SLIT3: variants seen among roughly 807,000 people sequenced by gnomAD.
SLIT3 encodes slit guidance ligand 3, also known as slit homolog 3 protein.
A neutral mutation model predicts 184.0 loss-of-function variants in SLIT3; 68 were observed. That is an observed-to-expected ratio of 0.37 (90% CI 0.30 to 0.45). The LOEUF is 0.45. SLIT3 is among the 20% of genes least tolerant of loss of function. SLIT3 has a pLI of 1.00. For synonymous variants in SLIT3, 831 were observed against 828.6 expected, an observed-to-expected ratio of 1.00 and a Z score of -0.05; for missense variants, 1,707 against 2,026.0, an observed-to-expected ratio of 0.84 and a Z score of 3.02.
intron 4 of SLIT3, among the ~76,000 whole-genome samples, chr5:169,179,389 T>C (rs1226574186): frequency 6.6e-6 from 1 of 152,070 alleles, no homozygotes; most frequent in Non-Finnish European, 1.5e-5. Flanking sequence ...ACAATCCCTT[T>C]CAATGTCTAT....
chr5:168,856,191 C>T (rs1168562452), intron 5 of SLIT3, among the ~76,000 whole-genome samples: 4 of 152,128 alleles, frequency 2.6e-5, no homozygotes, highest in Non-Finnish European at 1.5e-5. Context: ...CTGAATTGTA[C>T]TTTTAAACGG....
chr5:168,977,842 C>G (rs781699356), intron 4 of SLIT3, among the ~76,000 whole-genome samples: 11 of 152,040 alleles, frequency 7.2e-5, no homozygotes, highest in Non-Finnish European at 1.5e-4. Context: ...CTAAAGTGTC[C>G]CTGAGCCCTC....
chr5:169,046,132 C>A (rs150752665), intron 4 of SLIT3, among the ~76,000 whole-genome samples: 2 of 152,118 alleles, frequency 1.3e-5, no homozygotes, highest in African/African-American at 4.8e-5. Flanking sequence ...CCTTCCCTAC[C>A]CCCCAAAAGG....
At chr5:168,969,768 G>C (rs577048174) in intron 4 of SLIT3, among the ~76,000 whole-genome samples, 1 of 152,346 alleles carries the variant, frequency 6.6e-6, no homozygotes, top group Non-Finnish European at 1.5e-5. Context: ...AGCTCCTGGA[G>C]AGCGGGAAGG....
intron 26 of SLIT3, among the ~76,000 whole-genome samples, chr5:168,703,226 TTGTGTG>T (rs370363011): frequency 0.083 from 10,530 of 126,536 alleles, 490 homozygotes; most frequent in East Asian, 0.11. Flanking sequence ...TCATCCCACT[TTGTGTG>T]TGTGTGTGTG....
intron 4 of SLIT3, among the ~76,000 whole-genome samples, chr5:169,044,753 C>G (rs1264932061): frequency 6.6e-6 from 1 of 151,490 alleles, no homozygotes; most frequent in South Asian, 2.1e-4. Flanking sequence ...AACTATATCT[C>G]AAGAAAAAAA....
intron 11 of SLIT3, 73 bp downstream of exon 11, chr5:168,789,487 A>G: frequency 1.7e-6 from 2 of 1,167,614 alleles, no homozygotes; most frequent in Non-Finnish European, 2.5e-6. Flanking sequence ...CTCCTGAGAA[A>G]TATGGTTGCG....
chr5:168,668,461 G>A (rs1272091772), intron 35 of SLIT3, among the ~76,000 whole-genome samples: 1 of 152,196 alleles, frequency 6.6e-6, no homozygotes, highest in Non-Finnish European at 1.5e-5. Context: ...TGGAAAAGAG[G>A]AGAAAAGAAC....
chr5:168,745,322 C>T (rs1369582592), intron 20 of SLIT3, among the ~76,000 whole-genome samples: 3 of 152,150 alleles, frequency 2.0e-5, no homozygotes, highest in Admixed American at 6.5e-5. Context: ...GGTGAAGATG[C>T]TGTGAACGTT....
At chr5:169,079,458 G>C (rs1758877247) in intron 4 of SLIT3, among the ~76,000 whole-genome samples, 1 of 135,904 alleles carries the variant, frequency 7.4e-6, no homozygotes, top group African/African-American at 2.7e-5. Flanking sequence ...CCCAAACTTT[G>C]AGGTGGAAGA....
chr5:168,793,886 A>G (rs1756474198), intron 10 of SLIT3, among the ~76,000 whole-genome samples: 1 of 152,098 alleles, frequency 6.6e-6, no homozygotes. Context: ...TAAGGCCTAT[A>G]TTTATACAGC....
At chr5:168,701,437 G>A (rs1463211869) in intron 26 of SLIT3, among the ~76,000 whole-genome samples, 2 of 152,194 alleles carry the variant, frequency 1.3e-5, no homozygotes, top group Admixed American at 6.5e-5. Context: ...AGAACTCAGG[G>A]TGGTGTGGGA....
At chr5:168,902,438 T>C (rs1410970456) in intron 4 of SLIT3, among the ~76,000 whole-genome samples, 2 of 152,180 alleles carry the variant, frequency 1.3e-5, no homozygotes, top group Non-Finnish European at 2.9e-5. Context: ...GATGGGAATA[T>C]GCACAACAGG....
At chr5:168,890,957 G>C (rs1328542493) in intron 4 of SLIT3, among the ~76,000 whole-genome samples, 2 of 152,182 alleles carry the variant, frequency 1.3e-5, no homozygotes, top group African/African-American at 4.8e-5. Context: ...TCACATCCCG[G>C]TTCTGCTACT....
intron 4 of SLIT3, chr5:169,036,231 T>G (rs563643792): frequency 6.6e-6 from 1 of 152,348 alleles, no homozygotes; most frequent in East Asian, 1.9e-4. Flanking sequence ...TTTCCAGCAG[T>G]CCCTGAAGTG....
Position 169,021,727 on chromosome 5 carries a change from AC to A in SLIT3, c.414-138392del, listed in dbSNP as rs532503624. 2.9e-3 allele frequency among the ~76,000 whole-genome samples: 439 copies of A among 152,328 alleles called. 4 individuals are homozygous for A. Among genetic ancestry groups the A allele is most frequent in the African/African-American group, 0.01 (425 of 41,578 alleles). ...CTCATACTCCCTTGTATCTAGGCAG[AC>A]CAGATATAATTCACCTTTGCCTTAA... On this transcript the variant is annotated intron_variant, in intron 4 of 35. Coordinates refer to ENST00000519560, the MANE Select transcript of SLIT3 (RefSeq NM_003062.4).
chr5:169,125,651 T>C (rs1451060605), intron 4 of SLIT3, among the ~76,000 whole-genome samples: 1 of 152,290 alleles, frequency 6.6e-6, no homozygotes, highest in East Asian at 1.9e-4. Context: ...GGCAGCTGGC[T>C]GAAGCTGAGA....
At chr5:169,020,187 C>T (rs1218171596) in intron 4 of SLIT3, among the ~76,000 whole-genome samples, 1 of 152,128 alleles carries the variant, frequency 6.6e-6, no homozygotes, top group East Asian at 1.9e-4. Context: ...GAAAGTTTGC[C>T]AAATGTTGGT....
intron 4 of SLIT3, among the ~76,000 whole-genome samples, chr5:169,110,148 A>G (rs1222083297): frequency 6.6e-6 from 1 of 152,186 alleles, no homozygotes; most frequent in Non-Finnish European, 1.5e-5. Context: ...ACGCCTAGCC[A>G]TGAGTAAAGT....
Sources: allele counts gnomAD v4.1 joint callset (sites outside exome capture counted in the v4.1 genomes callset), GRCh38; gene constraint gnomAD v4.1.1; transcripts MANE v1.5; gene names NCBI Gene and HGNC (gene_info 2026-07-23, HGNC 2026-07-21).